F13A1: variants seen among roughly 807,000 people sequenced by gnomAD.
The protein encoded by F13A1 is FSF, A subunit.
A neutral mutation model predicts 80.1 loss-of-function variants in F13A1; 47 were observed. The ratio of observed to expected loss-of-function variants is 0.59; its 90% CI spans 0.46 to 0.75. The LOEUF (loss-of-function observed/expected upper bound fraction) is 0.75. F13A1 is among the 30% of genes least tolerant of loss of function. The probability of loss-of-function intolerance (pLI) is 0.00; values close to 1 mark genes in which losing one functional copy is unlikely to be tolerated. For synonymous variants in F13A1, 349 were observed against 344.9 expected (o/e 1.01, Z -0.13); for missense variants, 817 against 930.4 (o/e 0.88, Z 1.59).
chr6:6,196,622 A>G (rs929297026), intron 9 of F13A1, among the ~76,000 whole-genome samples: 2 of 152,206 alleles, frequency 1.3e-5, no homozygotes, highest in South Asian at 4.2e-4. Context: ...TAAACATAAT[A>G]TCCACAGTCT....
At position 6,268,103 on chromosome 6, in the gene F13A1, CTAATT is replaced by C. The variant is rs951437344; in HGVS notation, c.320-1299_320-1295del. Among the ~76,000 whole-genome samples, 53 of 152,162 alleles carry C rather than the reference CTAATT, an allele frequency of 3.5e-4. 1 individual carries two copies. The highest frequency in any genetic ancestry group is 1.3e-3 in the African/African-American group (52 of 41,436). ...TGCTGACTTTGAATCCAGTCATAAC[CTAATT>C]TAAAGACTACTTCTGACATTTTTCA... On this transcript the variant is annotated intron_variant, in intron 3 of 14. Transcript: ENST00000264870.
In F13A1 at chr6:6,190,466, T is replaced by A. The variant is rs186250948; in HGVS notation, c.1305+5331A>T. Among the ~76,000 whole-genome samples, 694 of 149,000 alleles carry A rather than the reference T, an allele frequency of 4.7e-3. 13 individuals are homozygous for A. The highest frequency in any genetic ancestry group is 0.014 in the African/African-American group (590 of 41,192). Reference sequence around the variant, plus strand: ...CAGACAGGACCCTCAGCTGCAGGTCTGTTGGAATACCCTGCTGTGTAAGGT... The same window carrying A: ...CAGACAGGACCCTCAGCTGCAGGTCAGTTGGAATACCCTGCTGTGTAAGGT... On this transcript the variant is annotated intron_variant, in intron 10 of 14. Transcript: ENST00000264870.
chr6:6,190,657 G>C (rs12195638), intron 10 of F13A1, among the ~76,000 whole-genome samples: 23,133 of 151,210 alleles, frequency 0.15, 1,652 homozygotes, highest in Middle Eastern at 0.21. Flanking sequence ...TAAGTCTGCA[G>C]AGGTTACTGC....
intron 10 of F13A1, among the ~76,000 whole-genome samples, chr6:6,192,896 T>G (rs1184648735): frequency 6.6e-6 from 1 of 152,142 alleles, no homozygotes; most frequent in Non-Finnish European, 1.5e-5. Context: ...AGAAGAGAGT[T>G]ATCTTTGGCA....
At chr6:6,158,904 T>TC in intron 13 of F13A1, among the ~76,000 whole-genome samples, 1 of 112,874 alleles carries the variant, frequency 8.9e-6, no homozygotes, top group Non-Finnish European at 1.9e-5. Flanking sequence ...TTTTTTTCTT[T>TC]CTTTTTTTTT....
chr6:6,299,951 C>T (rs1196966033), intron 3 of F13A1, among the ~76,000 whole-genome samples: 35 of 147,192 alleles, frequency 2.4e-4, no homozygotes, highest in Admixed American at 1.5e-3. Flanking sequence ...TTCTGTTTGT[C>T]AGTTTTCCTT....
intron 13 of F13A1, among the ~76,000 whole-genome samples, chr6:6,163,789 C>G (rs1760616612): frequency 6.6e-6 from 1 of 152,128 alleles, no homozygotes. Context: ...GTGCATGTAT[C>G]TTTATGATAG....
chr6:6,185,510 T>G (rs1160599734), intron 10 of F13A1, among the ~76,000 whole-genome samples: 1 of 151,766 alleles, frequency 6.6e-6, no homozygotes, highest in Non-Finnish European at 1.5e-5. Flanking sequence ...CTGAGAATGA[T>G]GATTTCCAAT....
intron 8 of F13A1, among the ~76,000 whole-genome samples, chr6:6,217,462 G>A (rs1275924157): frequency 1.4e-5 from 2 of 147,680 alleles, no homozygotes; most frequent in Non-Finnish European, 3.0e-5. Flanking sequence ...CTCACTCATA[G>A]GTGGGAATTG....
At chr6:6,270,147 C>T (rs182466253) in intron 3 of F13A1, among the ~76,000 whole-genome samples, 17 of 152,308 alleles carry the variant, frequency 1.1e-4, no homozygotes, top group Admixed American at 9.8e-4. Context: ...GTCTGCAACG[C>T]CTAACACAGT....
At position 6,243,680 on chromosome 6, in the gene F13A1, G is replaced by A. The variant is rs949977397; in HGVS notation, c.798+4632C>T. ...GTTTCAGCTCAGCCACTTATTTGCT[G>A]TGTGACTTTGAGTGAGGGACACCAC... is the stretch of plus-strand genomic sequence containing the variant. On this transcript the variant is annotated intron_variant, in intron 6 of 14. Coordinates refer to ENST00000264870, the MANE Select transcript of F13A1 (RefSeq NM_000129.4). This position sits in a 1 kb window ranked among gnomAD's most constrained non-coding sequence, Gnocchi z 4.2. Among the ~76,000 whole-genome samples the A allele has an allele frequency of 2.0e-5, 3 of 152,168 alleles. No homozygotes were observed. The highest frequency in any genetic ancestry group is 7.2e-5 in the African/African-American group (3 of 41,446).
At chr6:6,266,935 A>G (rs1757853977) in intron 3 of F13A1, 126 bp from the exon 4 acceptor site, 2 of 1,393,474 alleles carry the variant, frequency 1.4e-6, no homozygotes. Context: ...TTGAAGAAAC[A>G]TACAAATCAG....
chr6:6,184,020 T>C (rs1156965874), intron 10 of F13A1, among the ~76,000 whole-genome samples: 1 of 152,200 alleles, frequency 6.6e-6, no homozygotes, highest in African/African-American at 2.4e-5. Flanking sequence ...AAGTTGAGGT[T>C]AAAGAGAGCA....
rs2151071478 is a variant in F13A1, at chr6:6,162,844, T to C, written c.1908+4614A>G. Among the ~76,000 whole-genome samples, 1 of 152,316 alleles carries C rather than the reference T, an allele frequency of 6.6e-6. No homozygotes were observed. Among genetic ancestry groups the C allele is most frequent in the South Asian group, 2.1e-4 (1 of 4,826 alleles). ...GTTATGATGTTCAGAAAACAAGCTT[T>C]AAACTCAGATGATTTGGTTCCAGAG... is the stretch of plus-strand genomic sequence containing the variant. On this transcript the variant is annotated intron_variant, in intron 13 of 14. Coordinates refer to ENST00000264870, the MANE Select transcript of F13A1 (RefSeq NM_000129.4). The surrounding 1 kb of genome is among the most constrained non-coding windows in gnomAD (Gnocchi z 4.2).
At chr6:6,188,081 AT>A (rs1339574553) in intron 10 of F13A1, among the ~76,000 whole-genome samples, 32 of 151,756 alleles carry the variant, frequency 2.1e-4, no homozygotes, top group Non-Finnish European at 4.1e-4. Context: ...CCCCTTTATC[AT>A]TTTTTATTGT....
chr6:6,160,481 C>T (rs1487426192), intron 13 of F13A1, among the ~76,000 whole-genome samples: 1 of 151,844 alleles, frequency 6.6e-6, no homozygotes, highest in Non-Finnish European at 1.5e-5. Context: ...GGGTTACAGG[C>T]ACGCACCACT....
chr6:6,287,270 T>C (rs886111731), intron 3 of F13A1, among the ~76,000 whole-genome samples: 1 of 152,200 alleles, frequency 6.6e-6, no homozygotes, highest in Non-Finnish European at 1.5e-5. Flanking sequence ...TGCAAGAATG[T>C]CTTAGAATTT....
intron 2 of F13A1, among the ~76,000 whole-genome samples, chr6:6,316,401 A>G (rs895954201): frequency 4.6e-5 from 7 of 151,772 alleles, no homozygotes; most frequent in Admixed American, 4.6e-4. Context: ...AGTGCCTCTA[A>G]TGGATATCCC....
intron 3 of F13A1, among the ~76,000 whole-genome samples, chr6:6,302,522 A>T (rs994393051): frequency 6.6e-6 from 1 of 152,232 alleles, no homozygotes; most frequent in African/African-American, 2.4e-5. Flanking sequence ...TAGAAAAAGT[A>T]CAGTAAAAAT....
Sources: gnomAD v4.1 joint callset for allele counts (sites outside exome capture counted in the v4.1 genomes callset) on GRCh38, gnomAD v4.1.1 for gene constraint, Gnocchi (gnomAD v3.1) non-coding constraint, MANE v1.5 for transcripts, NCBI Gene and HGNC (gene_info 2026-07-23, HGNC 2026-07-21) for gene names.